RUVBL1: variants seen among roughly 807,000 people sequenced by gnomAD.
RUVBL1 encodes ruvB-like 1.
RUVBL1 carries 4 observed loss-of-function variants against 52.4 expected under a neutral mutation model. The observed-to-expected ratio is 0.08, with a 90% CI of 0.04 to 0.17. RUVBL1 has a LOEUF of 0.17. Ranked by LOEUF, RUVBL1 falls within the 10% of genes least tolerant of loss-of-function variation. The pLI is 1.00. For synonymous variants in RUVBL1, 217 were observed against 214.4 expected, an observed-to-expected ratio of 1.01 and a Z score of -0.10; for missense variants, 298 against 572.8, an observed-to-expected ratio of 0.52 and a Z score of 4.90.
chr3:128,078,740 G>A (rs1191869676), downstream of RUVBL1: 3 of 152,342 alleles, frequency 2.0e-5, no homozygotes, highest in African/African-American at 2.4e-5. Context: ...CCCCACCAGG[G>A]TCTGTTTCCC....
upstream of RUVBL1, among the ~76,000 whole-genome samples, chr3:128,124,338 T>A (rs570015348): frequency 1.3e-4 from 20 of 150,796 alleles, no homozygotes; most frequent in African/African-American, 4.9e-4. Flanking sequence ...CTGAGTTCAG[T>A]TGACTGTAAA....
At chr3:128,100,883 C>T (rs983999552) in intron 5 of RUVBL1, 139 bp from the exon 6 acceptor site, 5 of 941,690 alleles carry the variant, frequency 5.3e-6, no homozygotes, top group Non-Finnish European at 7.9e-6. Flanking sequence ...ATATGCCCCA[C>T]TCCCCTGCTG....
chr3:128,114,130 T>C (rs150886375), intron 2 of RUVBL1, among the ~76,000 whole-genome samples: 2 of 152,306 alleles, frequency 1.3e-5, no homozygotes, highest in East Asian at 1.9e-4. Flanking sequence ...TGCTTTAAAG[T>C]TGGTACAGAA....
In RUVBL1 at chr3:128,082,896, C is replaced by A; in HGVS notation, c.1120-322G>T. On this transcript the variant is annotated intron_variant, in intron 9 of 10. Coordinates refer to ENST00000322623, the MANE Select transcript of RUVBL1 (RefSeq NM_003707.3). This position sits in a 1 kb window ranked among gnomAD's most constrained non-coding sequence, Gnocchi z 4.7. ...GCCTCCATGTCCTCCCGTCCCCTGT[C>A]CCCAGGCAGAGAACTGGGGCCTCTT... is the stretch of plus-strand genomic sequence containing the variant. The A allele has an allele frequency of 4.3e-6, 1 of 232,906 alleles. No individual in the cohort carries two copies. The highest frequency in any genetic ancestry group is 8.5e-6 in the Non-Finnish European group (1 of 117,546). The allele number at this position is 232,906 out of a possible 1,614,324, so 14.4% of individuals were successfully genotyped here.
At chr3:128,109,809 A>ATTT (rs60187195) in intron 3 of RUVBL1, among the ~76,000 whole-genome samples, 49,969 of 80,282 alleles carry the variant, frequency 0.62, 19,514 homozygotes, top group East Asian at 0.81. Context: ...CTCTCTGTAA[A>ATTT]TTTTTTTTTT....
intron 1 of RUVBL1, among the ~76,000 whole-genome samples, chr3:128,150,454 A>G (rs1374344501): frequency 1.3e-5 from 2 of 149,436 alleles, no homozygotes; most frequent in East Asian, 3.9e-4. Flanking sequence ...ATATGTATAT[A>G]TATTCCATAT....
At chr3:128,096,272 G>C (rs1942966973) in intron 8 of RUVBL1, among the ~76,000 whole-genome samples, 3 of 152,338 alleles carry the variant, frequency 2.0e-5, no homozygotes, top group Non-Finnish European at 4.4e-5. Context: ...CCAGGTACTG[G>C]GAATACTGAC....
rs527903443 is a variant in RUVBL1 at position 128,147,654 on chromosome 3, C to T, written c.-40+5549G>A. Among the ~76,000 whole-genome samples, 32 of 152,224 alleles carry T rather than the reference C, an allele frequency of 2.1e-4. No homozygotes were observed. The South Asian group carries it at 5.2e-3, about 25-fold the overall frequency. On this transcript the variant is annotated intron_variant, in intron 1 of 9. Transcript: ENST00000464873. ...CAAGCGAAACTCTTATACATTGCTG[C>T]GGGAATGTAAAATGATACAGCCACT...
In RUVBL1 at chr3:128,081,338, T is replaced by C. The variant is rs780424922; in HGVS notation, c.1283A>G (p.Glu428Gly). Residue 428 changes from glutamate to glycine, a missense_variant, in exon 11 of 11, where the codon GAG (glutamate) becomes GGG (glycine). Transcript: ENST00000322623. This position sits in a 1 kb window ranked among gnomAD's most constrained non-coding sequence, Gnocchi z 4.8. ...KINGKDSIEK[E>G]HVEEISELFY... ...AAGTTCACTGATCTCTTCGACATGC[T>C]CTTTCTCAATGCTGTCCTTCCCGTT... The C allele has an allele frequency of 6.2e-7, 1 of 1,614,206 alleles. No individual in the cohort carries two copies. Among genetic ancestry groups the C allele is most frequent in the South Asian group, 1.1e-5 (1 of 91,084 alleles).
chr3:128,152,316 A>C (rs1451807463), intron 1 of RUVBL1, among the ~76,000 whole-genome samples: 10 of 152,198 alleles, frequency 6.6e-5, no homozygotes, highest in African/African-American at 1.7e-4. Context: ...TCTCAGGGTG[A>C]GAATTTCTGA....
At chr3:128,103,935 A>C (rs552346421) in intron 4 of RUVBL1, among the ~76,000 whole-genome samples, 24 of 152,354 alleles carry the variant, frequency 1.6e-4, no homozygotes, top group African/African-American at 5.5e-4. Context: ...AGACTGCTCC[A>C]TTTCTCCAAG....
chr3:128,078,560 C>T (rs888588276), downstream of RUVBL1, among the ~76,000 whole-genome samples: 1 of 152,350 alleles, frequency 6.6e-6, no homozygotes, highest in Admixed American at 6.5e-5. Context: ...AGAGAGCCTG[C>T]GCTGAGAGCC....
intron 1 of RUVBL1, among the ~76,000 whole-genome samples, chr3:128,150,863 A>T (rs1253355219): frequency 1.4e-5 from 1 of 73,850 alleles, no homozygotes; most frequent in African/African-American, 6.1e-5. Context: ...TATATTATAT[A>T]TTATATATAT....
At chr3:128,117,613 T>G (rs1006533029) in intron 2 of RUVBL1, among the ~76,000 whole-genome samples, 3 of 151,922 alleles carry the variant, frequency 2.0e-5, no homozygotes, top group African/African-American at 7.3e-5. Flanking sequence ...TGACAGTTTT[T>G]TTGTTTTTTT....
chr3:128,099,229 A>G (rs951723304), intron 6 of RUVBL1, among the ~76,000 whole-genome samples: 15 of 152,274 alleles, frequency 9.9e-5, no homozygotes, highest in African/African-American at 3.1e-4. Context: ...TAGCCACACA[A>G]GACTACCAGC....
rs762085826 is a variant in RUVBL1, at chr3:128,065,076, G to T, written c.*136C>A. 18 of 1,607,310 alleles carry T rather than the reference G, an allele frequency of 1.1e-5. No homozygotes were observed. The South Asian group carries it at 1.9e-4, about 17-fold the overall frequency. On this transcript the variant is annotated 3_prime_UTR_variant, in exon 10 of 10. Transcript: ENST00000464873. ...CAACCCCAGGGAGTTTCCATGGTCT[G>T]GATTTAAGTTTCAGAATGCCTTGTG...
Position 128,101,662 on chromosome 3 carries a change from T to A in RUVBL1, c.514-14A>T, listed in dbSNP as rs752461318. The A allele has an allele frequency of 8.8e-6, 14 of 1,582,992 alleles. No homozygotes were observed. The highest frequency in any genetic ancestry group is 3.3e-5 in the Admixed American group (2 of 59,940). The stretch of plus-strand genomic sequence containing the variant: ...GCTGGGGTCCAGCTAAAAAAAAAAA[T>A]GTAAATCAGAAGTGTAATACATATT... On this transcript the variant is annotated splice_polypyrimidine_tract_variant and intron_variant, in intron 4 of 10. Coordinates refer to ENST00000322623, the MANE Select transcript of RUVBL1 (RefSeq NM_003707.3).
chr3:128,064,872 A>C (rs1409647838), exon 10 of RUVBL1: 1 of 1,592,438 alleles, frequency 6.3e-7, no homozygotes, highest in South Asian at 1.1e-5. Flanking sequence ...CTCCTCTGCC[A>C]ACAGGAATGG....
At chr3:128,109,321 G>A (rs1458630831) in intron 3 of RUVBL1, among the ~76,000 whole-genome samples, 2 of 152,148 alleles carry the variant, frequency 1.3e-5, no homozygotes, top group Non-Finnish European at 2.9e-5. Flanking sequence ...CAAGGCAAAA[G>A]GATTACTTGA....
Sources: allele counts gnomAD v4.1 joint callset (sites outside exome capture counted in the v4.1 genomes callset), GRCh38; gene constraint gnomAD v4.1.1; non-coding constraint Gnocchi (gnomAD v3.1); transcripts MANE v1.5; gene names NCBI Gene and HGNC (gene_info 2026-07-23, HGNC 2026-07-21).